MGAT4C: variants seen among roughly 807,000 people sequenced by gnomAD.
MGAT4C encodes the protein MGAT4 family member C, also known as alpha-1,3-mannosyl-glycoprotein 4-beta-N-acetylglucosaminyltransferase C.
MGAT4C carries 19 observed loss-of-function variants against 40.1 expected under a neutral mutation model. The ratio of observed to expected loss-of-function variants is 0.47; its 90% CI spans 0.33 to 0.70. MGAT4C has a LOEUF of 0.70. Among genes scored for constraint, MGAT4C ranks in the 30% least tolerant of loss-of-function variants. MGAT4C has a pLI of 0.02. For synonymous variants in MGAT4C, 181 were observed against 187.1 expected (o/e 0.97, Z 0.27); for missense variants, 491 against 563.2 (o/e 0.87, Z 1.30).
At chr12:86,507,798 T>C (rs1958497201) in intron 2 of MGAT4C, among the ~76,000 whole-genome samples, 2 of 152,184 alleles carry the variant, frequency 1.3e-5, no homozygotes, top group Non-Finnish European at 2.9e-5. Flanking sequence ...AAATTGAGTT[T>C]TAATTATTCT....
At chr12:86,615,225 T>C (rs1406957189) in intron 2 of MGAT4C, among the ~76,000 whole-genome samples, 1 of 151,986 alleles carries the variant, frequency 6.6e-6, no homozygotes, top group Non-Finnish European at 1.5e-5. Flanking sequence ...CTAATTGATA[T>C]ATCACTCAAA....
At chr12:86,174,046 CCCCAAATG>C (rs1887131744) in intron 1 of MGAT4C, among the ~76,000 whole-genome samples, 1 of 151,478 alleles carries the variant, frequency 6.6e-6, no homozygotes, top group Non-Finnish European at 1.5e-5. Flanking sequence ...TTAGTAAATG[CCCCAAATG>C]CCATGATCTG....
intron 4 of MGAT4C, among the ~76,000 whole-genome samples, chr12:86,298,175 A>G (rs573127906): frequency 6.6e-6 from 1 of 152,290 alleles, no homozygotes; most frequent in East Asian, 1.9e-4. Flanking sequence ...CTGTATCAAA[A>G]TAATGATTTC....
chr12:86,610,768 G>A (rs1052788165), intron 2 of MGAT4C, among the ~76,000 whole-genome samples: 1 of 139,892 alleles, frequency 7.1e-6, no homozygotes, highest in African/African-American at 2.7e-5. Context: ...GCAGTCCCCG[G>A]TGTGTGATGT....
intron 1 of MGAT4C, among the ~76,000 whole-genome samples, chr12:86,250,766 A>G (rs1258830738): frequency 1.3e-5 from 2 of 152,082 alleles, no homozygotes; most frequent in Non-Finnish European, 1.5e-5. Context: ...TTATCTTACA[A>G]TAGTTAAAAT....
intron 3 of MGAT4C, among the ~76,000 whole-genome samples, chr12:86,391,368 G>A (rs1353185370): frequency 6.6e-6 from 1 of 152,188 alleles, no homozygotes; most frequent in African/African-American, 2.4e-5. Flanking sequence ...TAACAGTATG[G>A]GGTTAATCAG....
intron 4 of MGAT4C, among the ~76,000 whole-genome samples, chr12:86,296,933 A>T (rs944454151): frequency 1.3e-5 from 2 of 152,252 alleles, no homozygotes; most frequent in African/African-American, 4.8e-5. Context: ...GGCTGTGAGG[A>T]CTGCCAGCAC....
At chr12:86,724,782 C>G (rs1950794784) in intron 2 of MGAT4C, among the ~76,000 whole-genome samples, 1 of 152,208 alleles carries the variant, frequency 6.6e-6, no homozygotes. Flanking sequence ...CTATCCAACT[C>G]TAACTTTTCA....
chr12:86,138,506 G>GATA (rs1161438986), intron 1 of MGAT4C, among the ~76,000 whole-genome samples: 2 of 137,912 alleles, frequency 1.5e-5, no homozygotes, highest in African/African-American at 5.3e-5. Context: ...TATATATCAT[G>GATA]TATATATTTC....
chr12:86,217,035 A>G (rs1950698774), intron 1 of MGAT4C, among the ~76,000 whole-genome samples: 2 of 152,336 alleles, frequency 1.3e-5, no homozygotes, highest in South Asian at 4.1e-4. Context: ...CCTATAGCAC[A>G]AGGTTTTAAC....
chr12:86,663,398 AAAG>A (rs913955162), intron 2 of MGAT4C, among the ~76,000 whole-genome samples: 6 of 151,650 alleles, frequency 4.0e-5, no homozygotes, highest in Admixed American at 1.3e-4. Context: ...AAAGAAACCA[AAAG>A]AAAAAGTAAA....
rs182774432 is a variant in MGAT4C, at chr12:86,764,716, G to A, written c.-261-37475C>T. On this transcript the variant is annotated intron_variant, in intron 1 of 7. Coordinates refer to the MGAT4C transcript ENST00000548651. Reference sequence around the variant, plus strand: ...CAGCATTCGCAGTTCAGGAAAATCCGCTGTTCTGCAGCCACCACTGCTGAT... The same window carrying A: ...CAGCATTCGCAGTTCAGGAAAATCCACTGTTCTGCAGCCACCACTGCTGAT... 9.0e-3 allele frequency among the ~76,000 whole-genome samples: 1,368 copies of A among 152,220 alleles called. 5 individuals carry two copies. Among genetic ancestry groups the A allele is most frequent in the Non-Finnish European group, 0.013 (914 of 68,024 alleles).
chr12:86,654,839 C>T (rs745921434), intron 2 of MGAT4C, among the ~76,000 whole-genome samples: 6 of 150,532 alleles, frequency 4.0e-5, no homozygotes, highest in Non-Finnish European at 8.9e-5. Flanking sequence ...TAGGAAAATG[C>T]GGGGGATAAA....
chr12:86,277,676 G>A (rs1331817629), intron 4 of MGAT4C, among the ~76,000 whole-genome samples: 1 of 152,032 alleles, frequency 6.6e-6, no homozygotes, highest in Non-Finnish European at 1.5e-5. Flanking sequence ...TTGTGTTCTT[G>A]GCACCTTTGT....
intron 1 of MGAT4C, among the ~76,000 whole-genome samples, chr12:86,768,155 C>A (rs1469731332): frequency 7.2e-5 from 11 of 152,124 alleles, no homozygotes; most frequent in Non-Finnish European, 1.3e-4. Context: ...AGCTGATAAG[C>A]AACTTCAGCA....
At chr12:86,124,548 C>A (rs1307435290) in intron 1 of MGAT4C, among the ~76,000 whole-genome samples, 2 of 152,014 alleles carry the variant, frequency 1.3e-5, no homozygotes, top group Non-Finnish European at 2.9e-5. Context: ...CACAAAACAT[C>A]CTAATTTGTA....
chr12:86,272,161 C>T (rs918478220), intron 4 of MGAT4C, among the ~76,000 whole-genome samples: 1 of 152,112 alleles, frequency 6.6e-6, no homozygotes. Context: ...GACTTGATTG[C>T]TATGCATTAT....
chr12:86,064,813 C>T (rs1157785539), intron 1 of MGAT4C, among the ~76,000 whole-genome samples: 2 of 151,712 alleles, frequency 1.3e-5, no homozygotes, highest in African/African-American at 4.8e-5. Flanking sequence ...AGACCACTAA[C>T]CAGATTAATA....
At chr12:86,370,370 T>G (rs1955692052) in intron 3 of MGAT4C, among the ~76,000 whole-genome samples, 4 of 152,054 alleles carry the variant, frequency 2.6e-5, no homozygotes, top group Admixed American at 2.6e-4. Context: ...GAAAACAGCG[T>G]GTGCAAAATA....
Sources: gnomAD v4.1 joint callset for allele counts (sites outside exome capture counted in the v4.1 genomes callset) on GRCh38, gnomAD v4.1.1 for gene constraint, MANE v1.5 for transcripts, NCBI Gene and HGNC (gene_info 2026-07-23, HGNC 2026-07-21) for gene names.